WDR5: variants seen among roughly 807,000 people sequenced by gnomAD.
WDR5 encodes the protein WD repeat domain 5.
For missense variants in WDR5, 187 were observed against 416.9 expected, an observed-to-expected ratio of 0.45 and a Z score of 4.80; for synonymous variants, 144 against 161.6, an observed-to-expected ratio of 0.89 and a Z score of 0.83.
At position 134,142,630 on chromosome 9, in the gene WDR5, G is replaced by A; in HGVS notation, c.445-6G>A. On this transcript the variant is annotated splice_polypyrimidine_tract_variant and splice_region_variant and intron_variant, in intron 6 of 13. Transcript: ENST00000358625. ...GTAAAATCACTGTCATCTCTTTTGTGTTCAGTTTGACGAAAGCGTGAGGAT... is the reference window on the plus strand; with the variant it reads ...GTAAAATCACTGTCATCTCTTTTGTATTCAGTTTGACGAAAGCGTGAGGAT... 1.2e-6 allele frequency: 2 copies of A among 1,614,182 alleles called. No individual in the cohort carries two copies. Among genetic ancestry groups the A allele is most frequent in the Non-Finnish European group, 1.7e-6 (2 of 1,180,010 alleles).
chr9:134,156,985 T>G (rs1156947278), intron 13 of WDR5, among the ~76,000 whole-genome samples: 2 of 152,194 alleles, frequency 1.3e-5, no homozygotes, highest in African/African-American at 2.4e-5. Context: ...CTGTTCCCTC[T>G]CCCAGAGAGA....
intron 8 of WDR5, among the ~76,000 whole-genome samples, chr9:134,148,800 CAG>C (rs1832346438): frequency 6.6e-6 from 1 of 152,090 alleles, no homozygotes; most frequent in Admixed American, 6.6e-5. Flanking sequence ...GGAAGAGTGA[CAG>C]GGTCTCCTGC....
At position 134,139,836 on chromosome 9, in the gene WDR5, G is replaced by C. The variant is rs368885965; in HGVS notation, c.-42G>C. 1 of 1,609,080 alleles carries C rather than the reference G, an allele frequency of 6.2e-7. No individual in the cohort carries two copies. The highest frequency in any genetic ancestry group is 1.3e-5 in the African/African-American group (1 of 74,822). On this transcript the variant is annotated 5_prime_UTR_variant, in exon 2 of 14. Transcript: ENST00000358625. The stretch of plus-strand genomic sequence containing the variant: ...GCTCAACAGACTGCCTCTGTCACCG[G>C]GTCCCTCCACCCTTGTCTCCTGTGC...
upstream of WDR5, chr9:134,135,780 C>T (rs901045502): frequency 6.6e-6 from 1 of 152,188 alleles, no homozygotes; most frequent in Admixed American, 6.5e-5. Context: ...CCCGGAGGGC[C>T]GCTGGTGTCT....
In WDR5 at chr9:134,142,716, G is replaced by C; in HGVS notation, c.525G>C (p.Ser175=). Reference sequence around the variant, plus strand: ...TGCCAGCTCACTCGGATCCAGTCTCGGCCGTAAGTCCCTCTGACACGGATG... The same window carrying C: ...TGCCAGCTCACTCGGATCCAGTCTCCGCCGTAAGTCCCTCTGACACGGATG... ...KTLPAHSDPV[S]AVHFNRDGSL... is the part of the protein sequence containing the mutation. Residue 175 remains serine (S), a synonymous_variant, in exon 7 of 14, where the codon TCG becomes TCC. Coordinates refer to ENST00000358625, the MANE Select transcript of WDR5 (RefSeq NM_017588.3). The C allele has an allele frequency of 6.2e-7, 1 of 1,614,164 alleles. No individual in the cohort carries two copies. The highest frequency in any genetic ancestry group is 8.5e-7 in the Non-Finnish European group (1 of 1,180,022).
In WDR5 at chr9:134,157,453, T is replaced by C. The variant is rs1271182037; in HGVS notation, c.905-440T>C. On this transcript the variant is annotated intron_variant, in intron 13 of 13. Transcript: ENST00000358625. The surrounding 1 kb of genome is among the most constrained non-coding windows in gnomAD (Gnocchi z 5.0). The stretch of plus-strand genomic sequence containing the variant: ...GGGGCTTAGCATTGGGGGGAGGCGG[T>C]GGGAGTGGGCGGCTCAGGGTCCGAG... 6.6e-6 allele frequency among the ~76,000 whole-genome samples: 1 copy of C among 151,710 alleles called. No individual in the cohort carries two copies. Among genetic ancestry groups the C allele is most frequent in the African/African-American group, 2.4e-5 (1 of 41,244 alleles).
intron 8 of WDR5, among the ~76,000 whole-genome samples, chr9:134,150,607 A>G (rs28759311): frequency 0.05 from 7,640 of 152,290 alleles, 439 homozygotes; most frequent in African/African-American, 0.14. Context: ...AGAGATACAC[A>G]TCTTTGTAGA....
rs115742994 is a variant in WDR5 at position 134,144,731 on chromosome 9, T to C, written c.528+2012T>C. On this transcript the variant is annotated intron_variant, in intron 7 of 13. Transcript: ENST00000358625. ...GATGCGCACGTGTGGTCCCAGCTAC[T>C]TGGAGGACGGTGGGAGGATTGCTTG... 5.2e-3 allele frequency among the ~76,000 whole-genome samples: 788 copies of C among 152,044 alleles called. 6 individuals are homozygous for C. Among genetic ancestry groups the C allele is most frequent in the African/African-American group, 0.018 (742 of 41,456 alleles).
intron 9 of WDR5, among the ~76,000 whole-genome samples, chr9:134,153,943 A>G (rs934601774): frequency 1.3e-5 from 2 of 152,176 alleles, no homozygotes; most frequent in Non-Finnish European, 2.9e-5. Context: ...GCTGTGTGAG[A>G]AGCAGCGGCT....
At chr9:134,142,943 G>C (rs1831970027) in intron 7 of WDR5, among the ~76,000 whole-genome samples, 1 of 152,196 alleles carries the variant, frequency 6.6e-6, no homozygotes, top group Admixed American at 6.5e-5. Context: ...GGTGTCAGTG[G>C]GGTGCCCTGT....
chr9:134,139,015 T>TAA (rs1386534783), intron 1 of WDR5, among the ~76,000 whole-genome samples: 2 of 152,372 alleles, frequency 1.3e-5, no homozygotes, highest in Middle Eastern at 3.4e-3. Context: ...AGCTGCTTAC[T>TAA]GTACAGATTT....
intron 13 of WDR5, among the ~76,000 whole-genome samples, chr9:134,156,796 C>T (rs1355631288): frequency 6.6e-6 from 1 of 152,222 alleles, no homozygotes; most frequent in Non-Finnish European, 1.5e-5. Flanking sequence ...GACCCGGGCT[C>T]CTGGCTTGAA....
At chr9:134,147,207 A>T (rs1177158602) in intron 7 of WDR5, among the ~76,000 whole-genome samples, 2 of 152,266 alleles carry the variant, frequency 1.3e-5, no homozygotes, top group Non-Finnish European at 2.9e-5. Context: ...AATTAAAATT[A>T]CACGTGTGGC....
intron 7 of WDR5, among the ~76,000 whole-genome samples, chr9:134,145,851 C>T (rs574282426): frequency 7.9e-5 from 12 of 152,296 alleles, no homozygotes. Context: ...AAGTCGACTC[C>T]GCAGAGCACT....
Position 134,157,985 on chromosome 9 carries a change from G to T in WDR5, c.997G>T (p.Asp333Tyr). ...CAAAACAATTAAACTGTGGAAGAGT[G>T]ACTGCTAAGTCCCTTTGCTCCTGCC... is the stretch of plus-strand genomic sequence containing the variant. ...NDKTIKLWKSDC is the reference protein window; with the variant it reads ...NDKTIKLWKSYC The change falls in exon 14 of 14, where the codon GAC becomes TAC. Residue 333 changes from aspartate to tyrosine, a missense_variant. Coordinates refer to ENST00000358625, the MANE Select transcript of WDR5 (RefSeq NM_017588.3). The surrounding 1 kb of genome is among the most constrained non-coding windows in gnomAD (Gnocchi z 5.0). 1 of 1,614,036 alleles carries T rather than the reference G, an allele frequency of 6.2e-7. No individual in the cohort carries two copies. The highest frequency in any genetic ancestry group is 1.1e-5 in the South Asian group (1 of 91,062).
chr9:134,143,200 T>C (rs904036358), intron 7 of WDR5, among the ~76,000 whole-genome samples: 4 of 152,182 alleles, frequency 2.6e-5, no homozygotes, highest in Non-Finnish European at 5.9e-5. Flanking sequence ...GAGCGGGCCT[T>C]GCACAGGGAC....
chr9:134,143,639 G>T (rs1564190519), intron 7 of WDR5, among the ~76,000 whole-genome samples: 1 of 151,414 alleles, frequency 6.6e-6, no homozygotes, highest in Non-Finnish European at 1.5e-5. Context: ...CCATTCTCCT[G>T]CCTCAGCCTC....
chr9:134,157,801 C>T lies in WDR5; in HGVS notation c.905-92C>T, dbSNP rs572575787. Reference sequence around the variant, plus strand: ...CCAGGTGGCGGGCAGGCGCTACCCGCGTTTCTGGAGAAAGGTGGAGCTCAG... The same window carrying T: ...CCAGGTGGCGGGCAGGCGCTACCCGTGTTTCTGGAGAAAGGTGGAGCTCAG... On this transcript the variant is annotated intron_variant, in intron 13 of 13. Coordinates refer to ENST00000358625, the MANE Select transcript of WDR5 (RefSeq NM_017588.3). This position sits in a 1 kb window ranked among gnomAD's most constrained non-coding sequence, Gnocchi z 5.0. 7 of 1,269,786 alleles carry T rather than the reference C, an allele frequency of 5.5e-6. No individual in the cohort carries two copies. The highest frequency in any genetic ancestry group is 2.5e-5 in the South Asian group (2 of 80,248). The allele number at this position is 1,269,786 out of a possible 1,614,324, so 78.7% of individuals were successfully genotyped here. A position where few individuals can be genotyped will look rare whatever the true frequency, so the allele number is the denominator to read the frequency against.
intron 8 of WDR5, among the ~76,000 whole-genome samples, chr9:134,149,521 G>C (rs534648256): frequency 6.6e-6 from 1 of 152,208 alleles, no homozygotes; most frequent in Non-Finnish European, 1.5e-5. Context: ...AGCTATGGGC[G>C]AGCGTGGAGC....
Sources: allele counts gnomAD v4.1 joint callset (sites outside exome capture counted in the v4.1 genomes callset), GRCh38; gene constraint gnomAD v4.1.1; non-coding constraint Gnocchi (gnomAD v3.1); transcripts MANE v1.5; gene names NCBI Gene and HGNC (gene_info 2026-07-23, HGNC 2026-07-21).